The following IL1RAP variants were observed in gnomAD, a reference collection of about 807,000 sequenced individuals.
The protein encoded by IL1RAP is interleukin-1 receptor accessory protein.
Under a neutral mutation model 60.7 loss-of-function variants are expected in IL1RAP, and 35 were observed. That is an observed-to-expected ratio of 0.58 (90% CI 0.44 to 0.76). The LOEUF (loss-of-function observed/expected upper bound fraction) is 0.76. Among genes scored for constraint, IL1RAP ranks in the 30% least tolerant of loss-of-function variants. The pLI is 0.00. For missense variants in IL1RAP, 572 were observed against 693.9 expected (o/e 0.82, Z 1.97); for synonymous variants, 268 against 250.9 (o/e 1.07, Z -0.64).
chr3:190,653,710 C>T (rs1734503256), downstream of IL1RAP, among the ~76,000 whole-genome samples: 1 of 152,018 alleles, frequency 6.6e-6, no homozygotes, highest in South Asian at 2.1e-4. Flanking sequence ...CACAAGAAAA[C>T]AAATCTCATT....
intron 3 of IL1RAP, among the ~76,000 whole-genome samples, chr3:190,566,816 C>T (rs1002312134): frequency 7.2e-5 from 11 of 152,170 alleles, no homozygotes; most frequent in East Asian, 1.9e-4. Flanking sequence ...AATCATTGCG[C>T]ATCTTGAGGG....
At chr3:190,654,190 TCACACACA>T (rs57074064), downstream of IL1RAP, among the ~76,000 whole-genome samples, 140 of 140,508 alleles carry the variant, frequency 1.0e-3, 1 homozygote, top group African/African-American at 3.3e-3. Flanking sequence ...AAACATCATA[TCACACACA>T]CACACACACA....
chr3:190,559,791 G>A (rs535174111), intron 2 of IL1RAP, among the ~76,000 whole-genome samples: 22 of 152,102 alleles, frequency 1.4e-4, no homozygotes, highest in Admixed American at 1.1e-3. Flanking sequence ...TACATGATAC[G>A]GTGTATCTGG....
intron 7 of IL1RAP, among the ~76,000 whole-genome samples, chr3:190,624,409 A>G (rs899769853): frequency 6.6e-6 from 1 of 152,186 alleles, no homozygotes; most frequent in Non-Finnish European, 1.5e-5. Context: ...TGGTGCTCAG[A>G]GTCTTTGTAC....
intron 3 of IL1RAP, among the ~76,000 whole-genome samples, chr3:190,587,297 T>C (rs1577666661): frequency 2.0e-5 from 3 of 152,236 alleles, no homozygotes; most frequent in African/African-American, 7.2e-5. Context: ...TTTTAACTTA[T>C]CTATGCTTCA....
intron 2 of IL1RAP, chr3:190,563,921 G>T (rs984687436): frequency 2.6e-5 from 3 of 116,224 alleles, no homozygotes; most frequent in Non-Finnish European, 3.9e-5. Flanking sequence ...TTATAGTTCA[G>T]TGAAAAAGAG....
rs527745009 is a variant in IL1RAP, at chr3:190,585,565, A to G, written c.65-18563A>G. Among the ~76,000 whole-genome samples, 21 of 152,176 alleles carry G rather than the reference A, an allele frequency of 1.4e-4. No individual in the cohort carries two copies. The South Asian group carries it at 3.3e-3, about 24-fold the overall frequency. ...GGTGGCTCACGCCTGCAATCCTAAC[A>G]CTTTGGGAGGCCGAGGCGGGTGGAT... On this transcript the variant is annotated intron_variant, in intron 3 of 11. Transcript: ENST00000447382.
chr3:190,552,623 A>C (rs1724959071), intron 1 of IL1RAP, among the ~76,000 whole-genome samples: 1 of 152,056 alleles, frequency 6.6e-6, no homozygotes, highest in African/African-American at 2.4e-5. Context: ...CACACACAAA[A>C]CACATATACA....
At chr3:190,555,277 C>T (rs926585951) in intron 1 of IL1RAP, among the ~76,000 whole-genome samples, 2 of 152,210 alleles carry the variant, frequency 1.3e-5, no homozygotes, top group Non-Finnish European at 2.9e-5. Flanking sequence ...TCACATTGCC[C>T]AAGTGATGTG....
intron 3 of IL1RAP, 23 bp from the exon 4 acceptor site, chr3:190,604,105 T>A: frequency 6.2e-7 from 1 of 1,605,890 alleles, no homozygotes; most frequent in Non-Finnish European, 8.5e-7. Context: ...TCTGCCCCTT[T>A]CTTTCTTTTT....
At chr3:190,537,477 G>C (rs1723565875) in intron 1 of IL1RAP, among the ~76,000 whole-genome samples, 1 of 152,130 alleles carries the variant, frequency 6.6e-6, no homozygotes, top group South Asian at 2.1e-4. Context: ...AAATACGAAT[G>C]ATTTGTGATT....
At chr3:190,600,851 T>C (rs1015250516) in intron 3 of IL1RAP, among the ~76,000 whole-genome samples, 3 of 152,250 alleles carry the variant, frequency 2.0e-5, no homozygotes, top group African/African-American at 7.2e-5. Flanking sequence ...TCTCCAGTTC[T>C]CTGCTGCTGG....
intron 9 of IL1RAP, among the ~76,000 whole-genome samples, chr3:190,631,685 A>G (rs1732801234): frequency 6.6e-6 from 1 of 152,242 alleles, no homozygotes; most frequent in South Asian, 2.1e-4. Context: ...AAGGCCTGGA[A>G]TGAGAGAAAG....
chr3:190,598,793 T>C (rs535270957), intron 3 of IL1RAP, among the ~76,000 whole-genome samples: 1 of 152,252 alleles, frequency 6.6e-6, no homozygotes, highest in South Asian at 2.1e-4. Flanking sequence ...TTATAGTAAA[T>C]GAGGATAATC....
At chr3:190,631,308 TA>T (rs1416995502) in intron 9 of IL1RAP, among the ~76,000 whole-genome samples, 8 of 152,310 alleles carry the variant, frequency 5.3e-5, no homozygotes, top group Middle Eastern at 6.8e-3. Flanking sequence ...AAGCAAGGTG[TA>T]ATGTAGGAGT....
Position 190,604,374 on chromosome 3 carries a change from C to T in IL1RAP, c.311C>T (p.Thr104Ile), listed in dbSNP as rs1349795548. 2 of 1,613,734 alleles carry T rather than the reference C, an allele frequency of 1.2e-6. No individual in the cohort carries two copies. The highest frequency in any genetic ancestry group is 4.5e-5 in the East Asian group (2 of 44,844). ...KEKDVLWFRPTLLNDTGNYTC... is the reference protein window; with the variant it reads ...KEKDVLWFRPILLNDTGNYTC... ...AAAGATGTGCTGTGGTTCCGGCCCA[C>T]TCTCCTCAATGACACTGGCAACTAT... Residue 104 changes from threonine (T) to isoleucine (I), a missense_variant, in exon 4 of 12, where the codon ACT (threonine) becomes ATT (isoleucine). Thr to Ile is a moderately conservative substitution (Grantham distance 89, BLOSUM62 -1). Transcript: ENST00000447382.
At chr3:190,592,424 A>G (rs1404253809) in intron 3 of IL1RAP, among the ~76,000 whole-genome samples, 1 of 152,218 alleles carries the variant, frequency 6.6e-6, no homozygotes, top group Non-Finnish European at 1.5e-5. Flanking sequence ...CTTCTGGGAC[A>G]TAAACACATG....
At chr3:190,586,053 G>A (rs1041086776) in intron 3 of IL1RAP, among the ~76,000 whole-genome samples, 2 of 152,096 alleles carry the variant, frequency 1.3e-5, no homozygotes, top group African/African-American at 4.8e-5. Flanking sequence ...AGGAGTCAGT[G>A]CACATTCTAT....
chr3:190,583,888 T>C (rs1397234434), intron 3 of IL1RAP, among the ~76,000 whole-genome samples: 1 of 152,236 alleles, frequency 6.6e-6, no homozygotes, highest in Non-Finnish European at 1.5e-5. Flanking sequence ...AATTTATTTT[T>C]ATTTTTATTC....
Sources: allele counts gnomAD v4.1 joint callset (sites outside exome capture counted in the v4.1 genomes callset), GRCh38; gene constraint gnomAD v4.1.1; transcripts MANE v1.5; gene names NCBI Gene and HGNC (gene_info 2026-07-23, HGNC 2026-07-21).